HIBCH: variants seen among roughly 807,000 people sequenced by gnomAD.
HIBCH encodes the protein 3-hydroxyisobutyryl-CoA hydrolase, mitochondrial.
A neutral mutation model predicts 58.2 loss-of-function variants in HIBCH; 50 were observed. The observed-to-expected ratio is 0.86, with a 90% CI of 0.68 to 1.09. The LOEUF (loss-of-function observed/expected upper bound fraction) is 1.09. Ranked by LOEUF, HIBCH falls within the 50% of genes least tolerant of loss-of-function variation. The probability of loss-of-function intolerance (pLI) is 0.00; values close to 1 mark genes in which losing one functional copy is unlikely to be tolerated. For missense variants in HIBCH, 450 were observed against 449.7 expected (o/e 1.00, Z -0.01); for synonymous variants, 151 against 146.9 (o/e 1.03, Z -0.20).
At chr2:190,290,365 C>A (rs773235482) in intron 5 of HIBCH, 40 bp downstream of exon 5, 1 of 1,368,086 alleles carries the variant, frequency 7.3e-7, no homozygotes, top group South Asian at 1.2e-5. Flanking sequence ...CACCTCATTT[C>A]TTTATTCCAT....
rs1232575705 is a variant in HIBCH, at chr2:190,261,195, T to C, written c.478A>G (p.Thr160Ala). 1 of 1,613,460 alleles carries C rather than the reference T, an allele frequency of 6.2e-7. No individual in the cohort carries two copies. The change falls in exon 7 of 14, where the codon ACA (threonine) becomes GCA (alanine). Residue 160 changes from threonine to alanine, a missense_variant. Thr to Ala is a moderately conservative substitution (Grantham distance 58, BLOSUM62 0). Coordinates refer to ENST00000359678, the MANE Select transcript of HIBCH (RefSeq NM_014362.4). ...GGCATAGCAAAAAGACACTTTTCTG[T>C]AGCCACTCGAAATTGCCCATGGACT... ...LSVHGQFRVA[T>A]EKCLFAMPET...
rs1345644782 is a variant in HIBCH, at chr2:190,210,353, C to G, written c.1012-1440G>C. ...TCCTCCCCGAAACATTCCTCACTTTCTTTTGTGACACTACACTCTCCTGGT... is the reference window on the plus strand; with the variant it reads ...TCCTCCCCGAAACATTCCTCACTTTGTTTTGTGACACTACACTCTCCTGGT... On this transcript the variant is annotated intron_variant, in intron 12 of 13. Transcript: ENST00000359678. The surrounding 1 kb of genome is among the most constrained non-coding windows in gnomAD (Gnocchi z 5.5). Among the ~76,000 whole-genome samples, 3 of 152,196 alleles carry G rather than the reference C, an allele frequency of 2.0e-5. No individual in the cohort carries two copies. The highest frequency in any genetic ancestry group is 4.4e-5 in the Non-Finnish European group (3 of 68,036).
intron 11 of HIBCH, among the ~76,000 whole-genome samples, chr2:190,221,253 G>C (rs141850693): frequency 2.0e-5 from 3 of 152,284 alleles, no homozygotes; most frequent in East Asian, 3.9e-4. Context: ...TCTACCGTCA[G>C]AGAGTGCTGG....
At chr2:190,268,497 G>A (rs2105961121) in intron 6 of HIBCH, among the ~76,000 whole-genome samples, 1 of 152,246 alleles carries the variant, frequency 6.6e-6, no homozygotes, top group South Asian at 2.1e-4. Flanking sequence ...CATCCCTAAA[G>A]GCAAAATTTA....
rs1690477335 is a variant in HIBCH, at chr2:190,209,878, C to A, written c.1012-965G>T. The stretch of plus-strand genomic sequence containing the variant: ...GACCTCGGACTAGTAATTTCTCCAA[C>A]CCTAGTTTCTTTACATGAAAAGGTA... On this transcript the variant is annotated intron_variant, in intron 12 of 13. Coordinates refer to ENST00000359678, the MANE Select transcript of HIBCH (RefSeq NM_014362.4). This position sits in a 1 kb window ranked among gnomAD's most constrained non-coding sequence, Gnocchi z 5.6. Among the ~76,000 whole-genome samples the A allele has an allele frequency of 6.6e-6, 1 of 152,174 alleles. No individual in the cohort carries two copies. Among genetic ancestry groups the A allele is most frequent in the Non-Finnish European group, 1.5e-5 (1 of 68,026 alleles).
At chr2:190,218,177 A>G (rs549693971) in intron 11 of HIBCH, among the ~76,000 whole-genome samples, 1 of 151,986 alleles carries the variant, frequency 6.6e-6, no homozygotes, top group South Asian at 2.1e-4. Flanking sequence ...AAGCAGACAA[A>G]TATCTATGTC....
intron 8 of HIBCH, chr2:190,251,609 TAAACTC>T (rs769200620): frequency 2.5e-4 from 108 of 424,538 alleles, no homozygotes; most frequent in Non-Finnish European, 4.7e-4. Context: ...AATTAAGACT[TAAACTC>T]AAACTATCTA....
chr2:190,293,584 A>T (rs929713372), intron 4 of HIBCH, among the ~76,000 whole-genome samples: 3 of 152,226 alleles, frequency 2.0e-5, no homozygotes, highest in Admixed American at 1.3e-4. Flanking sequence ...GCAATTTTAA[A>T]ATTCATTAAT....
Position 190,310,093 on chromosome 2 carries a change from C to T in HIBCH, c.78+661G>A, listed in dbSNP as rs117673368. Among the ~76,000 whole-genome samples the T allele has an allele frequency of 2.7e-4, 41 of 152,270 alleles. No individual in the cohort carries two copies. In the East Asian group the frequency reaches 7.2e-3, roughly 27 times the overall value. Reference sequence around the variant, plus strand: ...TCTTCCAGCCTTCATCTTTCTCCGGCACTGGATGCTTCCTGCCTTCAAACA... The same window carrying T: ...TCTTCCAGCCTTCATCTTTCTCCGGTACTGGATGCTTCCTGCCTTCAAACA... On this transcript the variant is annotated intron_variant, in intron 2 of 13. Coordinates refer to ENST00000359678, the MANE Select transcript of HIBCH (RefSeq NM_014362.4).
At chr2:190,238,189 T>TA (rs937930109) in intron 11 of HIBCH, among the ~76,000 whole-genome samples, 2 of 152,196 alleles carry the variant, frequency 1.3e-5, no homozygotes, top group Non-Finnish European at 2.9e-5. Context: ...ATATACCCAG[T>TA]AAAGGGATTG....
rs1198713414 is a variant in HIBCH at position 190,207,878 on chromosome 2, C to T, written c.1045+1002G>A. 6.9e-6 allele frequency among the ~76,000 whole-genome samples: 1 copy of T among 144,020 alleles called. No homozygotes were observed. Among genetic ancestry groups the T allele is most frequent in the Non-Finnish European group, 1.5e-5 (1 of 65,866 alleles). The allele number at this position is 144,020 out of a possible 152,430, so 94.5% of individuals were successfully genotyped here. A position where few individuals can be genotyped will look rare whatever the true frequency, so the allele number is the denominator to read the frequency against. The stretch of plus-strand genomic sequence containing the variant: ...CCTGGGTGACAGTGTGAGACCCTGT[C>T]TCCAAAAAAAATAAAATAAAATAAA... On this transcript the variant is annotated intron_variant, in intron 13 of 13. Transcript: ENST00000359678. This position sits in a 1 kb window ranked among gnomAD's most constrained non-coding sequence, Gnocchi z 4.5.
intron 2 of HIBCH, among the ~76,000 whole-genome samples, chr2:190,299,754 T>C (rs1403486914): frequency 6.6e-6 from 1 of 152,210 alleles, no homozygotes; most frequent in African/African-American, 2.4e-5. Context: ...GGGGGTTTGT[T>C]GTACAGACTG....
intron 7 of HIBCH, among the ~76,000 whole-genome samples, chr2:190,259,042 G>T (rs1276179174): frequency 6.6e-6 from 1 of 152,142 alleles, no homozygotes; most frequent in African/African-American, 2.4e-5. Flanking sequence ...AGTGTTTGAA[G>T]TCAATACAAA....
At chr2:190,289,972 G>T (rs1212947410) in intron 5 of HIBCH, among the ~76,000 whole-genome samples, 1 of 152,210 alleles carries the variant, frequency 6.6e-6, no homozygotes, top group African/African-American at 2.4e-5. Context: ...CCACCTCCCA[G>T]GTTCAAGCTG....
intron 11 of HIBCH, among the ~76,000 whole-genome samples, chr2:190,219,016 G>A (rs1012707018): frequency 1.3e-5 from 2 of 152,170 alleles, no homozygotes; most frequent in Admixed American, 6.5e-5. Context: ...CCAGGCTAAT[G>A]TCTGGTGGTA....
chr2:190,259,271 GTCT>G (rs1319264999), intron 7 of HIBCH, among the ~76,000 whole-genome samples: 7 of 149,112 alleles, frequency 4.7e-5, no homozygotes, highest in South Asian at 4.3e-4. Flanking sequence ...ATTTATTTGT[GTCT>G]TCTTCAATTT....
chr2:190,232,393 T>C (rs964914324), intron 11 of HIBCH, among the ~76,000 whole-genome samples: 1 of 152,214 alleles, frequency 6.6e-6, no homozygotes, highest in Non-Finnish European at 1.5e-5. Flanking sequence ...AATTGAGGTA[T>C]GTGCTAAGCA....
rs117282430 is a variant in HIBCH at position 190,306,977 on chromosome 2, T to C, written c.78+3777A>G. 9.1e-3 allele frequency among the ~76,000 whole-genome samples: 1,382 copies of C among 152,292 alleles called. 70 individuals carry two copies. The highest frequency in any genetic ancestry group is 0.071 in the Admixed American group (1,092 of 15,294). On this transcript the variant is annotated intron_variant, in intron 2 of 13. Coordinates refer to ENST00000359678, the MANE Select transcript of HIBCH (RefSeq NM_014362.4). This position sits in a 1 kb window ranked among gnomAD's most constrained non-coding sequence, Gnocchi z 4.6. ...ACCAGACACCAAATCCGCTGGCCCCTTGATCTTGAACTCCCCAGCCTCCAG... is the reference window on the plus strand; with the variant it reads ...ACCAGACACCAAATCCGCTGGCCCCCTGATCTTGAACTCCCCAGCCTCCAG...
intron 6 of HIBCH, among the ~76,000 whole-genome samples, chr2:190,271,938 T>C (rs1289959589): frequency 7.9e-5 from 12 of 152,190 alleles, no homozygotes; most frequent in Non-Finnish European, 1.2e-4. Context: ...TCACATATGC[T>C]ATTATCTTCT....
Sources: allele counts gnomAD v4.1 joint callset (sites outside exome capture counted in the v4.1 genomes callset), GRCh38; gene constraint gnomAD v4.1.1; non-coding constraint Gnocchi (gnomAD v3.1); transcripts MANE v1.5; gene names NCBI Gene and HGNC (gene_info 2026-07-23, HGNC 2026-07-21).